NLRP9: variants seen among roughly 807,000 people sequenced by gnomAD.
The protein encoded by NLRP9 is NACHT, LRR and PYD domains-containing protein 9.
In NLRP9, 88 loss-of-function variants were observed where a neutral mutation model predicts 83.1. The observed-to-expected ratio is 1.06, with a 90% confidence interval of 0.89 to 1.26. The LOEUF is 1.26. Ranked by LOEUF, NLRP9 falls within the 50% of genes most tolerant of loss-of-function variation. The pLI is 0.00. For missense variants in NLRP9, 1,308 were observed against 1,179.3 expected, an observed-to-expected ratio of 1.11 and a Z score of -1.60; for synonymous variants, 521 against 447.6, an observed-to-expected ratio of 1.16 and a Z score of -2.07.
Position 55,731,924 on chromosome 19 carries a change from C to T in NLRP9, c.1832+75G>A. On this transcript the variant is annotated intron_variant, in intron 2 of 8. Transcript: ENST00000332836. ...CTTTTAAGCACAGTGGCATAAGGCC[C>T]ATGAAATACCCACAGGCCACTAGAG... 4.3e-6 allele frequency: 4 copies of T among 920,496 alleles called. No individual in the cohort carries two copies. In the South Asian group the frequency reaches 5.2e-5, roughly 12 times the overall value. The allele number at this position is 920,496 out of a possible 1,614,324, so 57.0% of individuals were successfully genotyped here.
chr19:55,730,514 C>G (rs1988541583), intron 2 of NLRP9, among the ~76,000 whole-genome samples: 1 of 151,176 alleles, frequency 6.6e-6, no homozygotes, highest in African/African-American at 2.4e-5. Context: ...ACCTAAATGC[C>G]CATCAATGAT....
At chr19:55,716,694 A>G in intron 5 of NLRP9, 34 bp downstream of exon 5, 1 of 1,594,292 alleles carries the variant, frequency 6.3e-7, no homozygotes, top group African/African-American at 1.3e-5. Flanking sequence ...ACGCTTCAGA[A>G]ATCTCCGAAC....
chr19:55,733,846 CT>C (rs1988686089), intron 1 of NLRP9, among the ~76,000 whole-genome samples: 1 of 151,848 alleles, frequency 6.6e-6, no homozygotes, highest in Admixed American at 6.6e-5. Flanking sequence ...CTCCACAATC[CT>C]TTATCTTAAC....
At chr19:55,725,455 T>C (rs1481304333) in intron 3 of NLRP9, among the ~76,000 whole-genome samples, 1 of 152,142 alleles carries the variant, frequency 6.6e-6, no homozygotes, top group African/African-American at 2.4e-5. Flanking sequence ...TAAAAGTAAA[T>C]ACTTTTACCA....
rs765371752 is a variant in NLRP9, at chr19:55,738,285, G to GAGGAAATTA, written c.89_90insTAATTTCCT (p.Leu30_Lys31insAsnPheLeu). On this transcript the variant is annotated inframe_insertion, in exon 1 of 9. Coordinates refer to ENST00000332836, the MANE Select transcript of NLRP9 (RefSeq NM_176820.4). The stretch of plus-strand genomic sequence containing the variant: ...GTTCAAATTTCTCCAAAGGTTGTTT[G>GAGGAAATTA]AGGAGCTCCTTAAATTTCCAAAACT... The GAGGAAATTA allele has an allele frequency of 1.2e-6, 2 of 1,614,066 alleles. No homozygotes were observed. The highest frequency in any genetic ancestry group is 4.5e-5 in the East Asian group (2 of 44,884).
intron 3 of NLRP9, 78 bp downstream of exon 3, chr19:55,729,753 G>T (rs1988515467): frequency 1.7e-6 from 2 of 1,174,642 alleles, no homozygotes; most frequent in East Asian, 2.3e-5. Flanking sequence ...TTATGCATGG[G>T]TCTTCTTCCA....
chr19:55,711,822 C>G lies in NLRP9; in HGVS notation c.2821G>C (p.Asp941His). The change falls in exon 8 of 9, where the codon GAC becomes CAC. Residue 941 changes from aspartate to histidine, a missense_variant. Coordinates refer to ENST00000332836, the MANE Select transcript of NLRP9 (RefSeq NM_176820.4). ...CACCCCAGCATCTGCAGGGCACAGT[C>G]CGGGTGGCTCAATGCCTCACACAGC... is the stretch of plus-strand genomic sequence containing the variant. ...VVLCEALSHPDCALQMLGLHK... is the reference protein window; with the variant it reads ...VVLCEALSHPHCALQMLGLHK... 3 of 1,613,288 alleles carry G rather than the reference C, an allele frequency of 1.9e-6. No individual in the cohort carries two copies. The highest frequency in any genetic ancestry group is 1.7e-6 in the Non-Finnish European group (2 of 1,179,934).
intron 1 of NLRP9, 94 bp downstream of exon 1, chr19:55,738,001 C>T: frequency 8.4e-7 from 1 of 1,184,340 alleles, no homozygotes; most frequent in South Asian, 1.3e-5. Flanking sequence ...CACACATTCT[C>T]ATCTGATGGA....
At chr19:55,729,044 CTTTTTCTT>C (rs1285780213) in intron 3 of NLRP9, among the ~76,000 whole-genome samples, 1 of 98,234 alleles carries the variant, frequency 1.0e-5, no homozygotes, top group Non-Finnish European at 2.0e-5. Flanking sequence ...TCTTATTTTT[CTTTTTCTT>C]TTTTTTTTTT....
At chr19:55,712,647 C>A in intron 6 of NLRP9, 57 bp from the exon 7 acceptor site, 1 of 1,456,064 alleles carries the variant, frequency 6.9e-7, no homozygotes, top group South Asian at 1.2e-5. Flanking sequence ...CATAACAGCC[C>A]ACCTTATTTT....
chr19:55,711,098 C>A (rs541983474), intron 8 of NLRP9, among the ~76,000 whole-genome samples: 18,954 of 129,674 alleles, frequency 0.15, 1,527 homozygotes, highest in African/African-American at 0.22. Flanking sequence ...AAAAACAAAA[C>A]AAAACAAAAC....
At position 55,708,445 on chromosome 19, in the gene NLRP9, A is replaced by C. The variant is rs1349991085; in HGVS notation, c.*467T>G. ...TAAAAGGATAAGTAGAGATTTGGAA[A>C]TGCTTTTTTATTGGACAAGAAAATT... On this transcript the variant is annotated 3_prime_UTR_variant, in exon 9 of 9. Transcript: ENST00000332836. The C allele has an allele frequency of 6.6e-6, 1 of 152,464 alleles. No individual in the cohort carries two copies. Among genetic ancestry groups the C allele is most frequent in the East Asian group, 1.9e-4 (1 of 5,212 alleles). The allele number at this position is 152,464 out of a possible 1,614,324, so 9.4% of individuals were successfully genotyped here. A position where few individuals can be genotyped will look rare whatever the true frequency, so the allele number is the denominator to read the frequency against.
chr19:55,724,187 C>G, intron 3 of NLRP9, 43 bp from the exon 4 acceptor site: 1 of 1,419,584 alleles, frequency 7.0e-7, no homozygotes, highest in Non-Finnish European at 9.8e-7. Context: ...CAATGAGATC[C>G]CAGCACAAAG....
In NLRP9 at chr19:55,716,798, A is replaced by G. The variant is rs758712030; in HGVS notation, c.2260T>C (p.Leu754=). Reference sequence around the variant, plus strand: ...AGCAACGTCATTCCTTCGTCCCTCAAGGGATTTTCTACCAAGGAGAGGTGT... The same window carrying G: ...AGCAACGTCATTCCTTCGTCCCTCAGGGGATTTTCTACCAAGGAGAGGTGT... ...LKHLSLVENP[L]RDEGMTLLCE... The change falls in exon 5 of 9, where the codon TTG becomes CTG. Residue 754 remains leucine (L), a synonymous_variant. Transcript: ENST00000332836. 3.3e-5 allele frequency: 54 copies of G among 1,613,762 alleles called. No individual in the cohort carries two copies. The highest frequency in any genetic ancestry group is 4.6e-5 in the Non-Finnish European group (54 of 1,179,916).
chr19:55,724,935 T>G (rs547769218), intron 3 of NLRP9, among the ~76,000 whole-genome samples: 4 of 152,194 alleles, frequency 2.6e-5, no homozygotes, highest in Admixed American at 2.6e-4. Context: ...GGTGTGTGCC[T>G]GTAATCCCAG....
intron 7 of NLRP9, 140 bp from the exon 8 acceptor site, chr19:55,712,110 G>T: frequency 1.2e-6 from 1 of 829,538 alleles, no homozygotes; most frequent in Non-Finnish European, 1.9e-6. Context: ...GGACGATTGT[G>T]CTCCTGGGGG....
intron 8 of NLRP9, 57 bp downstream of exon 8, chr19:55,711,743 C>G: frequency 6.4e-7 from 1 of 1,551,934 alleles, no homozygotes; most frequent in Non-Finnish European, 8.8e-7. Flanking sequence ...AGCAAATGGC[C>G]AATGAACTAA....
intron 1 of NLRP9, among the ~76,000 whole-genome samples, chr19:55,734,558 CACAT>C (rs1163051635): frequency 6.7e-6 from 1 of 148,808 alleles, no homozygotes; most frequent in Non-Finnish European, 1.5e-5. Flanking sequence ...TATACGCACA[CACAT>C]ATATACACAC....
rs186427043 is a variant in NLRP9 at position 55,711,009 on chromosome 19, C to A, written c.2843+791G>T. 2.2e-3 allele frequency among the ~76,000 whole-genome samples: 334 copies of A among 151,716 alleles called. 1 individual carries two copies. Among genetic ancestry groups the A allele is most frequent in the African/African-American group, 7.6e-3 (314 of 41,296 alleles). On this transcript the variant is annotated intron_variant, in intron 8 of 8. Coordinates refer to ENST00000332836, the MANE Select transcript of NLRP9 (RefSeq NM_176820.4). ...GCTGAGGCATGAGAATTCCTTGAGC[C>A]CGGGAGGCAGGGGTTGAAGTGAGCT...
Sources: gnomAD v4.1 joint callset for allele counts (sites outside exome capture counted in the v4.1 genomes callset) on GRCh38, gnomAD v4.1.1 for gene constraint, MANE v1.5 for transcripts, NCBI Gene and HGNC (gene_info 2026-07-23, HGNC 2026-07-21) for gene names.